Variants in EML1 observed in about 807,000 individuals in gnomAD.
The protein encoded by EML1 is echinoderm microtubule-associated protein-like 1.
Under a neutral mutation model 110.4 loss-of-function variants are expected in EML1, and 27 were observed. The observed-to-expected ratio is 0.24, with a 90% CI of 0.18 to 0.34. The LOEUF is 0.34. EML1 is among the 10% of genes least tolerant of loss of function. The pLI, the probability that EML1 is intolerant of heterozygous loss-of-function variation, is 1.00. For synonymous variants in EML1, 344 were observed against 385.8 expected (o/e 0.89, Z 1.27); for missense variants, 741 against 1,030.9 (o/e 0.72, Z 3.85).
Position 99,767,237 on chromosome 14 carries a change from C to T in EML1, c.28+29377C>T, listed in dbSNP as rs978856595. Among the ~76,000 whole-genome samples the T allele has an allele frequency of 7.9e-5, 12 of 152,216 alleles. 1 individual carries two copies. Among genetic ancestry groups the T allele is most frequent in the Non-Finnish European group, 1.2e-4 (8 of 68,030 alleles). The stretch of plus-strand genomic sequence containing the variant: ...AGAGGGAGCATGGGTCAGGTCTGGT[C>T]CTGGTTCCAGCACTTGCTAGTCATT... On this transcript the variant is annotated intron_variant, in intron 1 of 10. Coordinates refer to the EML1 transcript ENST00000554479.
chr14:99,913,838 C>T (rs1165329708), intron 13 of EML1, among the ~76,000 whole-genome samples: 2 of 151,866 alleles, frequency 1.3e-5, no homozygotes, highest in Non-Finnish European at 2.9e-5. Flanking sequence ...TACAGCCACC[C>T]ACCACCATGC....
chr14:99,926,117 C>T (rs1362067513), intron 17 of EML1, among the ~76,000 whole-genome samples: 1 of 152,168 alleles, frequency 6.6e-6, no homozygotes, highest in East Asian at 1.9e-4. Flanking sequence ...TTCAAATAAA[C>T]AACACTTCTC....
At chr14:99,813,840 A>C (rs527307867) in intron 1 of EML1, among the ~76,000 whole-genome samples, 27 of 152,194 alleles carry the variant, frequency 1.8e-4, no homozygotes, top group Non-Finnish European at 3.5e-4. Flanking sequence ...TTGAGTTTAG[A>C]CAAGCTGAAT....
intron 1 of EML1, among the ~76,000 whole-genome samples, chr14:99,750,406 C>G (rs10141893): frequency 0.52 from 78,681 of 152,030 alleles, 22,956 homozygotes; most frequent in Middle Eastern, 0.64. Flanking sequence ...ATGTCCTCAC[C>G]CAGCTGGGGC....
chr14:99,764,051 T>C (rs1240248759), intron 1 of EML1, among the ~76,000 whole-genome samples: 2 of 152,180 alleles, frequency 1.3e-5, no homozygotes, highest in African/African-American at 2.4e-5. Flanking sequence ...GACAGTTGGC[T>C]GCAGGCTGAG....
Position 99,898,260 on chromosome 14 carries a change from G to C in EML1, c.855G>C (p.Thr285=). 2 of 1,611,088 alleles carry C rather than the reference G, an allele frequency of 1.2e-6. No individual in the cohort carries two copies. Among genetic ancestry groups the C allele is most frequent in the Non-Finnish European group, 1.7e-6 (2 of 1,178,130 alleles). ...TAGCAGTTCATCCTGATCGGATCAC[G>C]ATAGCAACAGGACAAGTTGCGGGCA... is the stretch of plus-strand genomic sequence containing the variant. ...KCLAVHPDRI[T]IATGQVAGTS... Residue 285 remains threonine (T), a synonymous_variant, in exon 8 of 22, where the codon ACG becomes ACC. Coordinates refer to ENST00000262233, the MANE Select transcript of EML1 (RefSeq NM_004434.3).
chr14:99,744,454 C>T (rs77365812), intron 1 of EML1, among the ~76,000 whole-genome samples: 4 of 152,142 alleles, frequency 2.6e-5, no homozygotes, highest in African/African-American at 4.8e-5. Context: ...CATGGGCACA[C>T]CAAATGGCCA....
chr14:99,743,637 G>A (rs1383028309), intron 1 of EML1, among the ~76,000 whole-genome samples: 1 of 152,162 alleles, frequency 6.6e-6, no homozygotes, highest in Non-Finnish European at 1.5e-5. Context: ...CAGGGCCCCG[G>A]TACCTTCTCA....
Position 99,879,680 on chromosome 14 carries a change from G to C in EML1, c.518+1061G>C, listed in dbSNP as rs200661892. Reference sequence around the variant, plus strand: ...TAACAATTTAAAAAACCATTAACATGGGTTCTGTCTTCTTCTCATTTAGAC... The same window carrying C: ...TAACAATTTAAAAAACCATTAACATCGGTTCTGTCTTCTTCTCATTTAGAC... On this transcript the variant is annotated intron_variant, in intron 4 of 21. Coordinates refer to ENST00000262233, the MANE Select transcript of EML1 (RefSeq NM_004434.3). 3.9e-5 allele frequency among the ~76,000 whole-genome samples: 6 copies of C among 152,284 alleles called. No individual in the cohort carries two copies. The East Asian group carries it at 1.2e-3, about 29-fold the overall frequency.
chr14:99,883,651 G>T (rs1005796869), intron 4 of EML1: 1 of 152,096 alleles, frequency 6.6e-6, no homozygotes, highest in African/African-American at 2.4e-5. Context: ...ACTTTTATTT[G>T]CAGGGTGCTG....
intron 3 of EML1, among the ~76,000 whole-genome samples, chr14:99,877,334 T>A (rs1048197954): frequency 2.6e-5 from 4 of 152,030 alleles, no homozygotes; most frequent in African/African-American, 9.7e-5. Flanking sequence ...TTTCCACACA[T>A]GAATTTGGGG....
chr14:99,927,168 T>A (rs1028538883), intron 17 of EML1, among the ~76,000 whole-genome samples: 1 of 152,232 alleles, frequency 6.6e-6, no homozygotes, highest in African/African-American at 2.4e-5. Context: ...TACTTTTTTT[T>A]AACAATTTGT....
chr14:99,878,825 G>A (rs1471445401), intron 4 of EML1, among the ~76,000 whole-genome samples: 1 of 139,364 alleles, frequency 7.2e-6, no homozygotes, highest in Non-Finnish European at 1.6e-5. Flanking sequence ...TACCGTCCAG[G>A]TGGAAAAACT....
chr14:99,889,193 A>T (rs1435281401), intron 4 of EML1, among the ~76,000 whole-genome samples: 3 of 152,102 alleles, frequency 2.0e-5, no homozygotes, highest in African/African-American at 7.2e-5. Context: ...GACCTGGAGG[A>T]TGGAGAGAAA....
At chr14:99,801,412 G>A (rs1457736035) in intron 1 of EML1, among the ~76,000 whole-genome samples, 2 of 152,054 alleles carry the variant, frequency 1.3e-5, no homozygotes. Context: ...TCAGGAGATC[G>A]AGACCATCCT....
intron 1 of EML1, among the ~76,000 whole-genome samples, chr14:99,814,504 C>T (rs1297146426): frequency 6.6e-6 from 1 of 152,106 alleles, no homozygotes; most frequent in African/African-American, 2.4e-5. Flanking sequence ...GTCTCAAGTG[C>T]TCTTCCTGCC....
At chr14:99,792,056 A>G (rs2057680611), upstream of EML1, among the ~76,000 whole-genome samples, 1 of 152,078 alleles carries the variant, frequency 6.6e-6, no homozygotes, top group Non-Finnish European at 1.5e-5. Context: ...TAAGCTCTTA[A>G]ACTTCTCCCT....
Position 99,926,555 on chromosome 14 carries a change from G to A in EML1, c.1909+5678G>A, listed in dbSNP as rs138825976. On this transcript the variant is annotated intron_variant, in intron 17 of 21. Transcript: ENST00000262233. Reference sequence around the variant, plus strand: ...CCGCCTCGGCCTCCCAAAGTGCTGCGATTATAGGCATAAGCCACTGCCCCT... The same window carrying A: ...CCGCCTCGGCCTCCCAAAGTGCTGCAATTATAGGCATAAGCCACTGCCCCT... Among the ~76,000 whole-genome samples the A allele has an allele frequency of 6.3e-3, 952 of 151,928 alleles. 8 individuals carry two copies. Among genetic ancestry groups the A allele is most frequent in the African/African-American group, 0.021 (874 of 41,406 alleles).
chr14:99,831,905 A>G (rs753791765), intron 1 of EML1, among the ~76,000 whole-genome samples: 18 of 151,736 alleles, frequency 1.2e-4, no homozygotes, highest in Non-Finnish European at 2.6e-4. Flanking sequence ...TGAGGTATCA[A>G]CCTATAATAA....
Sources: allele counts gnomAD v4.1 joint callset (sites outside exome capture counted in the v4.1 genomes callset), GRCh38; gene constraint gnomAD v4.1.1; transcripts MANE v1.5; gene names NCBI Gene and HGNC (gene_info 2026-07-23, HGNC 2026-07-21).